The following SGCD variants were observed in gnomAD, a reference collection of about 807,000 sequenced individuals.
SGCD encodes delta-sarcoglycan.
In SGCD, 18 loss-of-function variants were observed where a neutral mutation model predicts 36.6. That is an observed-to-expected ratio of 0.49 (90% CI 0.34 to 0.73). SGCD has a LOEUF of 0.73. SGCD is among the 30% of genes least tolerant of loss of function. The pLI is 0.01. For synonymous variants in SGCD, 133 were observed against 130.6 expected (o/e 1.02, Z -0.12); for missense variants, 387 against 346.7 (o/e 1.12, Z -0.92).
chr5:156,375,396 T>A (rs1218182640), intron 3 of SGCD, among the ~76,000 whole-genome samples: 1 of 24,314 alleles, frequency 4.1e-5, no homozygotes, highest in Non-Finnish European at 6.6e-5. Context: ...CCTTCACAGC[T>A]TTTTTTTTTT....
In SGCD at chr5:156,753,762, A is replaced by T. The variant is rs1489481598; in HGVS notation, c.576-3819A>T. On this transcript the variant is annotated intron_variant, in intron 7 of 8. Coordinates refer to ENST00000337851, the MANE Select transcript of SGCD (RefSeq NM_000337.6). ...CCATCAGATCTCATGAGAACTCACC[A>T]TCATGAGAACAGCATGGGGGTAACC... Among the ~76,000 whole-genome samples the T allele has an allele frequency of 3.3e-5, 5 of 152,120 alleles. No individual in the cohort carries two copies. In the East Asian group the frequency reaches 9.6e-4, roughly 29 times the overall value.
chr5:156,611,880 A>G (rs1243908116), intron 6 of SGCD, among the ~76,000 whole-genome samples: 1 of 152,120 alleles, frequency 6.6e-6, no homozygotes, highest in African/African-American at 2.4e-5. Context: ...ACTGTCAGTC[A>G]TATTTTTTGT....
chr5:156,372,355 A>G (rs1770428886), intron 3 of SGCD, among the ~76,000 whole-genome samples: 1 of 152,172 alleles, frequency 6.6e-6, no homozygotes, highest in Non-Finnish European at 1.5e-5. Flanking sequence ...TATGTGATGC[A>G]ATAAGAGATG....
intron 3 of SGCD, among the ~76,000 whole-genome samples, chr5:156,305,686 C>T (rs1322499763): frequency 6.6e-6 from 1 of 152,140 alleles, no homozygotes; most frequent in Non-Finnish European, 1.5e-5. Flanking sequence ...CAGCTTGCAC[C>T]ATGGAAAAGC....
At chr5:156,623,453 A>G (rs886239989) in intron 6 of SGCD, among the ~76,000 whole-genome samples, 11 of 152,384 alleles carry the variant, frequency 7.2e-5, no homozygotes, top group African/African-American at 2.6e-4. Context: ...CTGCTCTATA[A>G]GACTGTAGCA....
intron 7 of SGCD, among the ~76,000 whole-genome samples, chr5:156,755,075 T>C (rs1757287193): frequency 6.6e-6 from 1 of 152,204 alleles, no homozygotes; most frequent in Admixed American, 6.5e-5. Flanking sequence ...CTCCTGGTGA[T>C]TCTCATGCTC....
intron 7 of SGCD, among the ~76,000 whole-genome samples, chr5:156,723,244 A>AT (rs776626667): frequency 2.6e-5 from 4 of 152,320 alleles, no homozygotes; most frequent in Admixed American, 6.5e-5. Context: ...CTCACCCTGC[A>AT]TCCCACTGAA....
chr5:156,707,785 G>A (rs568588243), intron 7 of SGCD, among the ~76,000 whole-genome samples: 91 of 152,188 alleles, frequency 6.0e-4, no homozygotes, highest in African/African-American at 2.2e-3. Flanking sequence ...TGAGAATTCT[G>A]TGTACCTGAG....
chr5:156,652,882 T>C (rs1763516203), intron 7 of SGCD, among the ~76,000 whole-genome samples: 1 of 152,174 alleles, frequency 6.6e-6, no homozygotes. Flanking sequence ...ATTCTGTTTA[T>C]ACGATGGATC....
At chr5:156,072,386 A>T (rs990264467) in intron 1 of SGCD, among the ~76,000 whole-genome samples, 3 of 152,020 alleles carry the variant, frequency 2.0e-5, no homozygotes, top group African/African-American at 7.3e-5. Context: ...TCCTTCACTT[A>T]TGAAGCTTAA....
chr5:156,408,533 C>G (rs1279349293), intron 3 of SGCD, among the ~76,000 whole-genome samples: 1 of 151,858 alleles, frequency 6.6e-6, no homozygotes, highest in Non-Finnish European at 1.5e-5. Flanking sequence ...TGATTTTTGT[C>G]TTTTTAGTAG....
the SGCD span, among the ~76,000 whole-genome samples, chr5:155,735,779 G>A: frequency 6.6e-6 from 1 of 152,288 alleles, no homozygotes; most frequent in East Asian, 1.9e-4. Flanking sequence ...GTGTTTGTTG[G>A]AGAGCATCTT....
At chr5:156,554,634 A>C (rs1296739335) in intron 4 of SGCD, among the ~76,000 whole-genome samples, 2 of 148,478 alleles carry the variant, frequency 1.3e-5, no homozygotes, top group Non-Finnish European at 3.0e-5. Flanking sequence ...ACATGTGCAT[A>C]TAATATATAT....
At chr5:155,952,323 A>T (rs1036397792) in intron 1 of SGCD, among the ~76,000 whole-genome samples, 1 of 152,112 alleles carries the variant, frequency 6.6e-6, no homozygotes, top group African/African-American at 2.4e-5. Context: ...ATACTGCGTC[A>T]AAGTGGATGT....
chr5:155,975,045 G>A (rs2127560743), intron 1 of SGCD, among the ~76,000 whole-genome samples: 1 of 152,252 alleles, frequency 6.6e-6, no homozygotes. Flanking sequence ...GCCTCCTGGA[G>A]AAAACAACAG....
intron 1 of SGCD, among the ~76,000 whole-genome samples, chr5:156,083,781 T>C (rs963627777): frequency 4.6e-5 from 7 of 152,054 alleles, no homozygotes; most frequent in African/African-American, 1.7e-4. Flanking sequence ...AGGTTTTTTT[T>C]TTGTTTTGTT....
Position 155,890,321 on chromosome 5 carries a change from G to A in SGCD, c.-282+19897G>A, listed in dbSNP as rs376199526. The stretch of plus-strand genomic sequence containing the variant: ...TCATTAGAAAGATATAAAACAGTCT[G>A]CAAAATAAAAGGGAAGGGTTGGCTG... On this transcript the variant is annotated intron_variant, in intron 1 of 9. Transcript: ENST00000517913. Among the ~76,000 whole-genome samples the A allele has an allele frequency of 2.9e-4, 44 of 152,224 alleles. 1 individual carries two copies. Among genetic ancestry groups the A allele is most frequent in the African/African-American group, 9.9e-4 (41 of 41,540 alleles).
At chr5:156,670,815 G>T (rs898000912) in intron 7 of SGCD, among the ~76,000 whole-genome samples, 8 of 152,176 alleles carry the variant, frequency 5.3e-5, no homozygotes, top group Non-Finnish European at 1.2e-4. Flanking sequence ...TATGTGCCAT[G>T]TTGGGCTAGA....
intron 1 of SGCD, among the ~76,000 whole-genome samples, chr5:156,000,799 C>CATATATATATATATATATATAT (rs145379741): frequency 7.2e-4 from 105 of 145,258 alleles, no homozygotes; most frequent in African/African-American, 2.8e-3. Flanking sequence ...TTTCCTCACA[C>CATATATATATATATATATATAT]ATATATATAT....
Sources: gnomAD v4.1 joint callset for allele counts (sites outside exome capture counted in the v4.1 genomes callset) on GRCh38, gnomAD v4.1.1 for gene constraint, MANE v1.5 for transcripts, NCBI Gene and HGNC (gene_info 2026-07-23, HGNC 2026-07-21) for gene names.